RFX7: variants seen among roughly 807,000 people sequenced by gnomAD.
RFX7 encodes the protein DNA-binding protein RFX7.
Under a neutral mutation model 111.8 loss-of-function variants are expected in RFX7, and 26 were observed. The observed-to-expected ratio is 0.23, with a 90% CI of 0.17 to 0.32. The LOEUF is 0.32. Ranked by LOEUF, RFX7 falls within the 10% of genes least tolerant of loss-of-function variation. The pLI is 1.00. For synonymous variants in RFX7, 624 were observed against 624.4 expected (o/e 1.00, Z 0.01); for missense variants, 1,573 against 1,772.9 (o/e 0.89, Z 2.02).
At chr15:56,212,982 T>C (rs1481765372) in intron 2 of RFX7, among the ~76,000 whole-genome samples, 1 of 152,190 alleles carries the variant, frequency 6.6e-6, no homozygotes, top group East Asian at 1.9e-4. Flanking sequence ...CTGTATACTA[T>C]ATACCTATAA....
intron 5 of RFX7, among the ~76,000 whole-genome samples, chr15:56,136,037 A>G (rs1213040971): frequency 6.6e-6 from 1 of 152,024 alleles, no homozygotes; most frequent in Non-Finnish European, 1.5e-5. Context: ...TATAGTTTGA[A>G]GTCAGGTAGT....
chr15:56,148,937 G>C (rs1366241797), intron 3 of RFX7, among the ~76,000 whole-genome samples: 1 of 152,128 alleles, frequency 6.6e-6, no homozygotes, highest in African/African-American at 2.4e-5. Context: ...AAGAAAATTA[G>C]CCAGGCGTGG....
chr15:56,147,795 G>C (rs547006802), intron 3 of RFX7, among the ~76,000 whole-genome samples: 1 of 152,116 alleles, frequency 6.6e-6, no homozygotes, highest in Non-Finnish European at 1.5e-5. Context: ...GGATGGTCTC[G>C]ATCTCCTGAC....
chr15:56,219,305 G>T (rs533275122), intron 2 of RFX7, among the ~76,000 whole-genome samples: 16 of 152,192 alleles, frequency 1.1e-4, no homozygotes, highest in African/African-American at 3.4e-4. Context: ...AGCCACTCCA[G>T]CTTTCTAATG....
intron 3 of RFX7, among the ~76,000 whole-genome samples, chr15:56,149,239 T>C (rs1005137712): frequency 6.6e-6 from 1 of 152,206 alleles, no homozygotes; most frequent in Non-Finnish European, 1.5e-5. Flanking sequence ...TCTTCAGTGA[T>C]TTCTGCTGCA....
rs532585275 is a variant in RFX7, at chr15:56,199,558, T to C, written c.162-20255A>G. 3.9e-5 allele frequency among the ~76,000 whole-genome samples: 6 copies of C among 152,204 alleles called. No homozygotes were observed. The South Asian group carries it at 1.2e-3, about 32-fold the overall frequency. ...TCAGGTTGATATTAATATTAAAAGCTCAAAGAGTCAACAGGATTCAAATAT... is the reference window on the plus strand; with the variant it reads ...TCAGGTTGATATTAATATTAAAAGCCCAAAGAGTCAACAGGATTCAAATAT... On this transcript the variant is annotated intron_variant, in intron 2 of 9. Transcript: ENST00000559447.
At chr15:56,182,283 A>G (rs1301918842) in intron 2 of RFX7, among the ~76,000 whole-genome samples, 22 of 151,868 alleles carry the variant, frequency 1.4e-4, no homozygotes, top group Admixed American at 1.4e-3. Flanking sequence ...ATGGTTGGGG[A>G]CTGCTGTTTT....
At chr15:56,154,125 TAAGAG>T (rs148482150) in intron 3 of RFX7, among the ~76,000 whole-genome samples, 17,444 of 151,948 alleles carry the variant, frequency 0.11, 1,039 homozygotes, top group Middle Eastern at 0.2. Context: ...CTCAAGGAAA[TAAGAG>T]AAGACACAAA....
chr15:56,238,731 G>T (rs1330280331), intron 2 of RFX7, among the ~76,000 whole-genome samples: 1 of 152,120 alleles, frequency 6.6e-6, no homozygotes, highest in African/African-American at 2.4e-5. Flanking sequence ...TAAAACATCA[G>T]GATTTCTTTT....
intron 2 of RFX7, among the ~76,000 whole-genome samples, chr15:56,194,518 C>T (rs1424869467): frequency 6.6e-6 from 1 of 152,048 alleles, no homozygotes; most frequent in East Asian, 1.9e-4. Flanking sequence ...TGACTTGGCT[C>T]GCAGTCCATC....
chr15:56,235,095 G>T (rs1302946316), intron 2 of RFX7, among the ~76,000 whole-genome samples: 1 of 151,862 alleles, frequency 6.6e-6, no homozygotes, highest in Admixed American at 6.6e-5. Flanking sequence ...AGAGAAATAA[G>T]ATAATGGAAG....
intron 2 of RFX7, among the ~76,000 whole-genome samples, chr15:56,237,884 C>T (rs764653644): frequency 5.9e-5 from 9 of 152,114 alleles, no homozygotes; most frequent in African/African-American, 9.7e-5. Flanking sequence ...AGCCTCAATA[C>T]GGATATGCAA....
At chr15:56,235,645 A>G (rs2043614815) in intron 2 of RFX7, among the ~76,000 whole-genome samples, 1 of 152,210 alleles carries the variant, frequency 6.6e-6, no homozygotes, top group African/African-American at 2.4e-5. Flanking sequence ...AAGAGAGCTC[A>G]AATTAAAAAT....
intron 2 of RFX7, among the ~76,000 whole-genome samples, chr15:56,236,696 T>C (rs2043627154): frequency 6.6e-6 from 1 of 152,224 alleles, no homozygotes; most frequent in African/African-American, 2.4e-5. Flanking sequence ...ATTTATATAA[T>C]TGAATCTACA....
At chr15:56,207,250 C>G (rs2043263270) in intron 2 of RFX7, among the ~76,000 whole-genome samples, 1 of 152,008 alleles carries the variant, frequency 6.6e-6, no homozygotes. Context: ...GAAAGTAGAA[C>G]TGTGGGTATC....
chr15:56,119,829 A>G (rs1209896702), intron 5 of RFX7, among the ~76,000 whole-genome samples: 1 of 151,080 alleles, frequency 6.6e-6, no homozygotes, highest in Non-Finnish European at 1.5e-5. Context: ...TAGATGTATG[A>G]ATTTGTTTCT....
chr15:56,159,274 T>G (rs755057099), intron 3 of RFX7, among the ~76,000 whole-genome samples: 1 of 152,244 alleles, frequency 6.6e-6, no homozygotes, highest in African/African-American at 2.4e-5. Context: ...TTCTGTATCT[T>G]AGGTACTGTG....
Position 56,240,805 on chromosome 15 carries a change from A to T in RFX7, c.161+2320T>A, listed in dbSNP as rs184181476. Among the ~76,000 whole-genome samples the T allele has an allele frequency of 1.6e-4, 25 of 152,230 alleles. No homozygotes were observed. In the East Asian group the frequency reaches 4.8e-3, roughly 29 times the overall value. ...GTGATAAAATAATTTGTAAAATAAT[A>T]TTATTGTCTCAAAAATGTGAAATAT... On this transcript the variant is annotated intron_variant, in intron 2 of 9. Coordinates refer to ENST00000559447, the MANE Select transcript of RFX7 (RefSeq NM_022841.7).
rs371681721 is a variant in RFX7, at chr15:56,111,661, C to CAAAA, written c.402-7995_402-7992dup. On this transcript the variant is annotated intron_variant, in intron 5 of 9. Transcript: ENST00000559447. Reference sequence around the variant, plus strand: ...ATGATCAATAAAAAAATAAATAAACCAAAAAAAAAAAAAAAAAAACCAAAA... The same window carrying CAAAA: ...ATGATCAATAAAAAAATAAATAAACCAAAAAAAAAAAAAAAAAAAAAAACCAAAA... Among the ~76,000 whole-genome samples, 16 of 95,566 alleles carry CAAAA rather than the reference C, an allele frequency of 1.7e-4. No individual in the cohort carries two copies. In the East Asian group the frequency reaches 4.3e-3, roughly 26 times the overall value. The allele number at this position is 95,566 out of a possible 152,430, so 62.7% of individuals were successfully genotyped here. A position where few individuals can be genotyped will look rare whatever the true frequency, so the allele number is the denominator to read the frequency against.
Sources: allele counts gnomAD v4.1 joint callset (sites outside exome capture counted in the v4.1 genomes callset), GRCh38; gene constraint gnomAD v4.1.1; transcripts MANE v1.5; gene names NCBI Gene and HGNC (gene_info 2026-07-23, HGNC 2026-07-21).